The following NRAP variants were observed in gnomAD, a reference collection of about 807,000 sequenced individuals.
NRAP encodes the protein nebulin related anchoring protein, also known as nebulin-related-anchoring protein.
A neutral mutation model predicts 225.9 loss-of-function variants in NRAP; 189 were observed. The ratio of observed to expected loss-of-function variants is 0.84; its 90% CI spans 0.74 to 0.94. NRAP has a LOEUF of 0.94. Ranked by LOEUF, NRAP falls within the 40% of genes least tolerant of loss-of-function variation. The probability of loss-of-function intolerance (pLI) is 0.00; values close to 1 mark genes in which losing one functional copy is unlikely to be tolerated. For missense variants in NRAP, 2,176 were observed against 2,168.7 expected (o/e 1.00, Z -0.07); for synonymous variants, 769 against 790.7 (o/e 0.97, Z 0.46).
chr10:113,623,691 G>A (rs984209020), intron 22 of NRAP, 55 bp from the exon 23 acceptor site: 24 of 1,099,826 alleles, frequency 2.2e-5, no homozygotes, highest in Non-Finnish European at 2.8e-5. Context: ...GGGTTCTCAC[G>A]TGAGAGCATT....
At chr10:113,663,232 C>T in intron 2 of NRAP, 120 bp downstream of exon 2, 9 of 673,688 alleles carry the variant, frequency 1.3e-5, no homozygotes, top group Admixed American at 2.3e-5. Flanking sequence ...CAAGGGAACA[C>T]TTTGGGAGAA....
Position 113,657,515 on chromosome 10 carries a change from G to A in NRAP, c.315C>T (p.Ser105=). ...CKSVFHWDMK[S]KDKEGAPNRQ... is the part of the protein sequence containing the mutation. The stretch of plus-strand genomic sequence containing the variant: ...TGTTAGGTGCACCTTCCTTATCCTT[G>A]GATTTCATGTCCCAGTGAAAAACTG... Residue 105 remains serine (S), a synonymous_variant, in exon 4 of 42, where the codon TCC becomes TCT. Transcript: ENST00000359988. 6.2e-7 allele frequency: 1 copy of A among 1,608,636 alleles called. No homozygotes were observed.
intron 40 of NRAP, 57 bp from the exon 41 acceptor site, chr10:113,589,854 C>T: frequency 6.3e-7 from 1 of 1,579,704 alleles, no homozygotes; most frequent in Non-Finnish European, 8.6e-7. Flanking sequence ...AGCGGTTTGA[C>T]CATTAAGTAA....
chr10:113,624,125 T>A (rs1848156416), intron 22 of NRAP, among the ~76,000 whole-genome samples: 1 of 152,160 alleles, frequency 6.6e-6, no homozygotes, highest in African/African-American at 2.4e-5. Flanking sequence ...GAGATCTTTC[T>A]TCTGGAAGCC....
intron 7 of NRAP, 94 bp from the exon 8 acceptor site, chr10:113,650,639 C>T (rs532707717): frequency 4.5e-5 from 37 of 825,310 alleles, no homozygotes; most frequent in Non-Finnish European, 7.5e-5. Flanking sequence ...TCCTGCCCAT[C>T]TCCTGTCATA....
rs138386465 is a variant in NRAP at position 113,652,998 on chromosome 10, G to A, written c.507C>T (p.Ser169=). The A allele has an allele frequency of 6.2e-7, 1 of 1,612,856 alleles. No homozygotes were observed. The highest frequency in any genetic ancestry group is 8.5e-7 in the Non-Finnish European group (1 of 1,179,654). ...EDYEQPRGKG[S]FPAMITPAYQ... ...AAGCAGGTGTGATCATGGCTGGAAA[G>A]CTCCCCTTGCCCCTGGGTTGCTCAT... Residue 169 remains serine, a synonymous_variant, in exon 6 of 42, where the codon AGC becomes AGT. Transcript: ENST00000359988.
chr10:113,636,623 T>C (rs551229696), intron 14 of NRAP, among the ~76,000 whole-genome samples: 2 of 152,326 alleles, frequency 1.3e-5, no homozygotes, highest in South Asian at 2.1e-4. Flanking sequence ...GAAGCCAGAT[T>C]TTCCAGTTAT....
At chr10:113,644,349 T>C in intron 11 of NRAP, among the ~76,000 whole-genome samples, 1 of 151,882 alleles carries the variant, frequency 6.6e-6, no homozygotes, top group East Asian at 1.9e-4. Context: ...GTTCTGTGAG[T>C]GAGAGCAAAG....
At chr10:113,605,362 T>A (rs1018984776) in intron 34 of NRAP, among the ~76,000 whole-genome samples, 2 of 152,212 alleles carry the variant, frequency 1.3e-5, no homozygotes, top group Admixed American at 6.5e-5. Context: ...AACACAGCCA[T>A]CAAATCCTAA....
Position 113,588,921 on chromosome 10 carries a change from T to C in NRAP, c.*54A>G. 1 of 1,419,110 alleles carries C rather than the reference T, an allele frequency of 7.0e-7. No homozygotes were observed. The highest frequency in any genetic ancestry group is 2.3e-5 in the East Asian group (1 of 43,884). 87.9% of individuals were successfully genotyped at this position (1,419,110 alleles called of 1,614,324 possible). ...CGAAATCAAAGCCATCTGAAGCCTG[T>C]CTCTGGTGAACAAACTTCCTCTCTG... On this transcript the variant is annotated 3_prime_UTR_variant, in exon 42 of 42. Coordinates refer to ENST00000359988, the MANE Select transcript of NRAP (RefSeq NM_198060.4).
At chr10:113,604,139 T>G (rs989881625) in intron 35 of NRAP, among the ~76,000 whole-genome samples, 3 of 152,108 alleles carry the variant, frequency 2.0e-5, no homozygotes, top group African/African-American at 7.2e-5. Context: ...TTTTCTGAGA[T>G]GAAGTCTTGT....
intron 41 of NRAP, chr10:113,589,334 C>G (rs1380300741): frequency 3.5e-6 from 2 of 572,434 alleles, no homozygotes; most frequent in Admixed American, 3.2e-5. Flanking sequence ...CTGTCATATC[C>G]AGCGAGTCCC....
chr10:113,603,329 ACCAGCCTG>A (rs1846724199), intron 35 of NRAP, among the ~76,000 whole-genome samples: 1 of 151,972 alleles, frequency 6.6e-6, no homozygotes, highest in African/African-American at 2.4e-5. Flanking sequence ...AGTGCTCTCC[ACCAGCCTG>A]CTTGGTGCCC....
chr10:113,651,857 C>T lies in NRAP; in HGVS notation c.621G>A (p.Val207=), dbSNP rs1157202473. The T allele has an allele frequency of 3.7e-6, 6 of 1,613,352 alleles. No homozygotes were observed. In the Admixed American group the frequency reaches 5.0e-5, roughly 13 times the overall value. ...TCCGTAGCAGCTCAGGAGTATCCAC[C>T]ACCGTGGAGAACCTGGAGATGCGTT... ...HDERISRFST[V]VDTPELLRSK... Residue 207 remains valine, a synonymous_variant, in exon 7 of 42, where the codon GTG becomes GTA. Transcript: ENST00000359988.
chr10:113,652,824 T>C lies in NRAP; in HGVS notation c.570+111A>G. On this transcript the variant is annotated intron_variant, in intron 6 of 41. Coordinates refer to ENST00000359988, the MANE Select transcript of NRAP (RefSeq NM_198060.4). ...AGTTTTCTCTGTAATATGACACTAA[T>C]GGTACCTACTTCCCCAAAGCACTCT... The C allele has an allele frequency of 7.0e-6, 5 of 718,844 alleles. 1 individual carries two copies. 44.5% of individuals were successfully genotyped at this position (718,844 alleles called of 1,614,324 possible). A position where few individuals can be genotyped will look rare whatever the true frequency, so the allele number is the denominator to read the frequency against.
intron 26 of NRAP, among the ~76,000 whole-genome samples, chr10:113,616,442 GC>G (rs1261875727): frequency 6.6e-6 from 1 of 152,152 alleles, no homozygotes; most frequent in Non-Finnish European, 1.5e-5. Context: ...TCACAGCAGT[GC>G]CCCCTAGAGT....
Position 113,612,368 on chromosome 10 carries a change from C to T in NRAP, c.3364G>A (p.Ala1122Thr), listed in dbSNP as rs747869851. The T allele has an allele frequency of 5.2e-5, 84 of 1,614,010 alleles. No individual in the cohort carries two copies. In the East Asian group the frequency reaches 1.2e-3, roughly 23 times the overall value. ...AQFHLPLDMAALVHAKKAQTL... is the reference protein window; with the variant it reads ...AQFHLPLDMATLVHAKKAQTL... ...TGAGCCTTCTTGGCATGCACCAGGG[C>T]GGCCATGTCCAACGGCAGATGGAAC... The change falls in exon 30 of 42, where the codon GCC becomes ACC. Residue 1122 changes from alanine to threonine, a missense_variant. By Grantham distance (58) the Ala-to-Thr change is moderately conservative (BLOSUM62 0). Coordinates refer to ENST00000359988, the MANE Select transcript of NRAP (RefSeq NM_198060.4).
chr10:113,615,076 C>G (rs1847568491), intron 27 of NRAP, 130 bp from the exon 28 acceptor site: 1 of 633,528 alleles, frequency 1.6e-6, no homozygotes, highest in Non-Finnish European at 2.9e-6. Flanking sequence ...AGTTAGAGAT[C>G]ATGGTGGCTT....
At position 113,629,758 on chromosome 10, in the gene NRAP, T is replaced by G. The variant is rs771694504; in HGVS notation, c.1870A>C (p.Ser624Arg). 10 of 1,613,684 alleles carry G rather than the reference T, an allele frequency of 6.2e-6. No homozygotes were observed. The Admixed American group carries it at 1.7e-4, about 27-fold the overall frequency. ...ATGGGCAGGTGAAACCGGGTCTTAC[T>G]CTCTTCAAAGCCTTTCTTATATTCA... ...EVEYKKGFEE[S>R]KTRFHLPMDM... Residue 624 changes from serine (S) to arginine (R), a missense_variant, in exon 19 of 42, where the codon AGT becomes CGT. Physicochemically the swap from Ser to Arg is moderately radical, Grantham distance 110 (BLOSUM62 -1). This residue lies in a region of NRAP where 1,708 missense variants were observed against 1,695.5 expected (regional missense o/e 1.01). Transcript: ENST00000359988.
Sources: allele counts gnomAD v4.1 joint callset (sites outside exome capture counted in the v4.1 genomes callset), GRCh38; gene constraint gnomAD v4.1.1; regional missense constraint gnomAD v4.1.1; transcripts MANE v1.5; gene names NCBI Gene and HGNC (gene_info 2026-07-23, HGNC 2026-07-21).